Variants in KCNJ14 observed in about 807,000 individuals in gnomAD.
KCNJ14 encodes the protein ATP-sensitive inward rectifier potassium channel 14.
Under a neutral mutation model 24.5 loss-of-function variants are expected in KCNJ14, and 18 were observed. That is an observed-to-expected ratio of 0.74 (90% CI 0.51 to 1.09). The LOEUF is 1.09. Ranked by LOEUF, KCNJ14 falls within the 50% of genes least tolerant of loss-of-function variation. The pLI, the probability that KCNJ14 is intolerant of heterozygous loss-of-function variation, is 0.00. For synonymous variants in KCNJ14, 288 were observed against 270.8 expected (o/e 1.06, Z -0.63); for missense variants, 633 against 623.0 (o/e 1.02, Z -0.17).
Position 48,462,638 on chromosome 19 carries a change from CTG to C in KCNJ14, c.714+201_714+202del, listed in dbSNP as rs1437844017. The stretch of plus-strand genomic sequence containing the variant: ...CAGAAAGGTATGTGACCAGCTCTTC[CTG>C]GAGGCCTGGATTTGGGGCATACAGA... On this transcript the variant is annotated intron_variant, in intron 2 of 2. Coordinates refer to ENST00000342291, the MANE Select transcript of KCNJ14 (RefSeq NM_013348.4). The surrounding 1 kb of genome is among the most constrained non-coding windows in gnomAD (Gnocchi z 4.9). Among the ~76,000 whole-genome samples the C allele has an allele frequency of 1.3e-5, 2 of 152,200 alleles. No individual in the cohort carries two copies. Among genetic ancestry groups the C allele is most frequent in the African/African-American group, 4.8e-5 (2 of 41,450 alleles).
In KCNJ14 at chr19:48,464,797, C is replaced by T. The variant is rs1308818150; in HGVS notation, c.*20C>T. The T allele has an allele frequency of 6.5e-7, 1 of 1,542,602 alleles. No homozygotes were observed. The highest frequency in any genetic ancestry group is 1.4e-5 in the African/African-American group (1 of 73,788). ...CCATGATGCAAACTGATGTCCCCTT[C>T]CCCGTGTATGCCCCCTTCCCCAAGG... On this transcript the variant is annotated 3_prime_UTR_variant, in exon 3 of 3. Coordinates refer to ENST00000342291, the MANE Select transcript of KCNJ14 (RefSeq NM_013348.4).
At position 48,461,806 on chromosome 19, in the gene KCNJ14, G is replaced by A. The variant is rs372167924; in HGVS notation, c.82G>A (p.Gly28Arg). 2 of 1,480,802 alleles carry A rather than the reference G, an allele frequency of 1.4e-6. No individual in the cohort carries two copies. The highest frequency in any genetic ancestry group is 1.4e-5 in the African/African-American group (1 of 70,296). 91.7% of individuals were successfully genotyped at this position (1,480,802 alleles called of 1,614,324 possible). Residue 28 changes from glycine to arginine, a missense_variant, in exon 2 of 3, where the codon GGG becomes AGG. Gly to Arg is a moderately radical substitution (Grantham distance 125). Coordinates refer to ENST00000342291, the MANE Select transcript of KCNJ14 (RefSeq NM_013348.4). Reference sequence around the variant, plus strand: ...CCGGGCGGGCGATGAAGAGGAGGCCGGGCCCGGGTTGTGCCGCAACGGGTG... The same window carrying A: ...CCGGGCGGGCGATGAAGAGGAGGCCAGGCCCGGGTTGTGCCGCAACGGGTG... The part of the protein sequence containing the change: ...DSRAGDEEEA[G>R]PGLCRNGWAP...
Position 48,464,634 on chromosome 19 carries a change from T to G in KCNJ14, c.1168T>G (p.Tyr390Asp), listed in dbSNP as rs562301083. Residue 390 changes from tyrosine (Y) to aspartate (D), a missense_variant, in exon 3 of 3, where the codon TAT becomes GAT. Transcript: ENST00000342291. The stretch of plus-strand genomic sequence containing the variant: ...CCCCGGCTCTCTGACTGCATTTTGT[T>G]ATGAGAATGAACTTGCTCTGAGCTG... ...SFPGSLTAFCYENELALSCCQ... is the reference protein window; with the variant it reads ...SFPGSLTAFCDENELALSCCQ... 5.0e-6 allele frequency: 8 copies of G among 1,614,042 alleles called. No homozygotes were observed. In the South Asian group the frequency reaches 8.8e-5, roughly 18 times the overall value.
rs1325073568 is a variant in KCNJ14, at chr19:48,462,053, T to A, written c.329T>A (p.Leu110His). The A allele has an allele frequency of 6.2e-7, 1 of 1,610,544 alleles. No homozygotes were observed. ...SWLLFGLAFW[L>H]IASLHGDLAA... ...CTGCTCTTCGGCCTGGCCTTCTGGC[T>A]CATTGCCTCGCTGCACGGCGACCTG... Residue 110 changes from leucine to histidine, a missense_variant, in exon 2 of 3, where the codon CTC becomes CAC. By Grantham distance (99) the Leu-to-His change is moderately conservative (BLOSUM62 -3). Transcript: ENST00000342291. This position sits in a 1 kb window ranked among gnomAD's most constrained non-coding sequence, Gnocchi z 4.9.
intron 1 of KCNJ14, chr19:48,456,810 T>G (rs1971543885): frequency 6.6e-6 from 1 of 152,084 alleles, no homozygotes; most frequent in South Asian, 2.1e-4. Context: ...GACAGGCTGC[T>G]GCGATTCCCT....
intron 1 of KCNJ14, among the ~76,000 whole-genome samples, chr19:48,458,301 C>T (rs1032595337): frequency 2.0e-5 from 3 of 152,176 alleles, no homozygotes; most frequent in Admixed American, 6.5e-5. Flanking sequence ...TTTCATTCCC[C>T]ACAGCAGTGT....
Position 48,461,937 on chromosome 19 carries a change from G to A in KCNJ14, c.213G>A (p.Ala71=). 6.2e-7 allele frequency: 1 copy of A among 1,612,142 alleles called. No individual in the cohort carries two copies. The highest frequency in any genetic ancestry group is 8.5e-7 in the Non-Finnish European group (1 of 1,179,240). The part of the protein sequence containing the change: ...VRFVNLGGQG[A]RYLSDLFTTC... ...TCGTAAACCTGGGTGGCCAGGGCGC[G>A]CGCTACCTGAGCGACCTGTTCACCA... Residue 71 remains alanine, a synonymous_variant, in exon 2 of 3, where the codon GCG becomes GCA. Transcript: ENST00000342291.
Position 48,464,749 on chromosome 19 carries a change from C to A in KCNJ14, c.1283C>A (p.Pro428Gln). The A allele has an allele frequency of 6.2e-7, 1 of 1,606,752 alleles. No individual in the cohort carries two copies. Among genetic ancestry groups the A allele is most frequent in the Non-Finnish European group, 8.5e-7 (1 of 1,179,778 alleles). ...GCTGCTAGCCCCCGAGTTCTCACAC[C>A]AACCCTGGCGCTGACCCTGCCTCCA... ...DGAASPRVLT[P>Q]TLALTLPP The change falls in exon 3 of 3, where the codon CCA becomes CAA. Residue 428 changes from proline to glutamine, a missense_variant. Physicochemically the swap from Pro to Gln is moderately conservative, Grantham distance 76 (BLOSUM62 -1). Coordinates refer to ENST00000342291, the MANE Select transcript of KCNJ14 (RefSeq NM_013348.4).
chr19:48,460,164 C>A (rs372136470), intron 1 of KCNJ14, among the ~76,000 whole-genome samples: 1 of 152,156 alleles, frequency 6.6e-6, no homozygotes, highest in Non-Finnish European at 1.5e-5. Context: ...TTACACCTTA[C>A]GATTATGAGC....
At position 48,461,486 on chromosome 19, in the gene KCNJ14, C is replaced by CCA. The variant is rs1480351237; in HGVS notation, c.-55-182_-55-181dup. 1.4e-5 allele frequency: 5 copies of CCA among 364,912 alleles called. No individual in the cohort carries two copies. In the Admixed American group the frequency reaches 1.4e-4, roughly 10 times the overall value. 22.6% of individuals were successfully genotyped at this position (364,912 alleles called of 1,614,324 possible). On this transcript the variant is annotated intron_variant, in intron 1 of 2. Coordinates refer to ENST00000342291, the MANE Select transcript of KCNJ14 (RefSeq NM_013348.4). ...GAGATTGCAGTAAGCCAGGATCATG[C>CCA]CACTGCACTCCAGCTTGGGCGACAG...
Position 48,459,771 on chromosome 19 carries a change from G to C in KCNJ14, c.-55-1899G>C, listed in dbSNP as rs566256223. Among the ~76,000 whole-genome samples the C allele has an allele frequency of 3.4e-4, 51 of 152,086 alleles. No homozygotes were observed. The South Asian group carries it at 8.3e-3, about 25-fold the overall frequency. Reference sequence around the variant, plus strand: ...TGGCCGGGTGCAGTGGCTCACGCCTGTAATCCCAGTACTTTAGGAGGCCAA... The same window carrying C: ...TGGCCGGGTGCAGTGGCTCACGCCTCTAATCCCAGTACTTTAGGAGGCCAA... On this transcript the variant is annotated intron_variant, in intron 1 of 2. Transcript: ENST00000342291.
In KCNJ14 at chr19:48,465,207, A is replaced by C. The variant is rs1450364606; in HGVS notation, c.*430A>C. The C allele has an allele frequency of 5.8e-6, 1 of 170,968 alleles. No homozygotes were observed. 10.6% of individuals were successfully genotyped at this position (170,968 alleles called of 1,614,324 possible). A position where few individuals can be genotyped will look rare whatever the true frequency, so the allele number is the denominator to read the frequency against. ...TCTGGATTCACCTAAGATTCAAGGG[A>C]GTGTTGCTTCTCAACTCAGCCAACT... On this transcript the variant is annotated 3_prime_UTR_variant, in exon 3 of 3. Transcript: ENST00000342291.
At chr19:48,458,457 T>C (rs541212374) in intron 1 of KCNJ14, among the ~76,000 whole-genome samples, 2 of 152,380 alleles carry the variant, frequency 1.3e-5, no homozygotes, top group Admixed American at 1.3e-4. Context: ...TTCATATGTT[T>C]ATGAGCCATT....
chr19:48,462,134 C>T lies in KCNJ14; in HGVS notation c.410C>T (p.Ala137Val), dbSNP rs750219177. Residue 137 changes from alanine to valine, a missense_variant, in exon 2 of 3, where the codon GCC becomes GTC. By Grantham distance (64) the Ala-to-Val change is moderately conservative. Transcript: ENST00000342291. This position sits in a 1 kb window ranked among gnomAD's most constrained non-coding sequence, Gnocchi z 4.9. Reference sequence around the variant, plus strand: ...TCACACGTGGCCAGCTTCCTGGCCGCCTTCCTCTTCGCGCTGGAGACGCAG... The same window carrying T: ...TCACACGTGGCCAGCTTCCTGGCCGTCTTCCTCTTCGCGCTGGAGACGCAG... Reference protein sequence around the residue: ...CFSHVASFLAAFLFALETQTS... With the variant: ...CFSHVASFLAVFLFALETQTS... The T allele has an allele frequency of 1.3e-6, 2 of 1,594,830 alleles. No individual in the cohort carries two copies. The highest frequency in any genetic ancestry group is 1.7e-6 in the Non-Finnish European group (2 of 1,171,902).
Position 48,462,357 on chromosome 19 carries a change from C to T in KCNJ14, c.633C>T (p.His211=). 4 of 1,543,176 alleles carry T rather than the reference C, an allele frequency of 2.6e-6. 1 individual carries two copies. The South Asian group carries it at 4.8e-5, about 18-fold the overall frequency. The change falls in exon 2 of 3, where the codon CAC becomes CAT. Residue 211 remains histidine (H), a synonymous_variant. Transcript: ENST00000342291. The surrounding 1 kb of genome is among the most constrained non-coding windows in gnomAD (Gnocchi z 4.9). The stretch of plus-strand genomic sequence containing the variant: ...ACGCCGTCGTGGCGCTGCGCGACCA[C>T]CGCCTCTGCCTCATGTGGCGCGTCG... ...SENAVVALRD[H]RLCLMWRVGN...
In KCNJ14 at chr19:48,462,534, C is replaced by T. The variant is rs1019876043; in HGVS notation, c.714+96C>T. 5.4e-6 allele frequency: 5 copies of T among 930,602 alleles called. No individual in the cohort carries two copies. Among genetic ancestry groups the T allele is most frequent in the African/African-American group, 3.4e-5 (2 of 58,624 alleles). 57.6% of individuals were successfully genotyped at this position (930,602 alleles called of 1,614,324 possible). ...GAGGGGCGTGCGGTCCTGGAGGGGG[C>T]GTGGACTACAACTCCCAGCAGCCTC... On this transcript the variant is annotated intron_variant, in intron 2 of 2. Transcript: ENST00000342291. The surrounding 1 kb of genome is among the most constrained non-coding windows in gnomAD (Gnocchi z 4.9).
Position 48,466,694 on chromosome 19 carries a change from A to G in KCNJ14, c.*1917A>G, listed in dbSNP as rs535112531. ...TCACTACACCAAGGGTGGGATGGGCATTCGAGTCCTGGGGATTTCCCTCCT... is the reference window on the plus strand; with the variant it reads ...TCACTACACCAAGGGTGGGATGGGCGTTCGAGTCCTGGGGATTTCCCTCCT... On this transcript the variant is annotated 3_prime_UTR_variant, in exon 3 of 3. Transcript: ENST00000342291. The G allele has an allele frequency of 6.6e-6, 1 of 152,302 alleles. No individual in the cohort carries two copies. Among genetic ancestry groups the G allele is most frequent in the African/African-American group, 2.4e-5 (1 of 41,566 alleles). 9.4% of individuals were successfully genotyped at this position (152,302 alleles called of 1,614,324 possible).
intron 2 of KCNJ14, 66 bp from the exon 3 acceptor site, chr19:48,464,115 C>G (rs1425929450): frequency 1.3e-5 from 14 of 1,089,466 alleles, no homozygotes; most frequent in Non-Finnish European, 2.0e-5. Context: ...CTCTTCCTCT[C>G]TCTCACTTCG....
chr19:48,460,248 A>T (rs12461952), intron 1 of KCNJ14, among the ~76,000 whole-genome samples: 16,525 of 138,482 alleles, frequency 0.12, 1,710 homozygotes, highest in African/African-American at 0.32. Context: ...AGTTTTATTT[A>T]TTTATTTTTT....
Sources: allele counts gnomAD v4.1 joint callset (sites outside exome capture counted in the v4.1 genomes callset), GRCh38; gene constraint gnomAD v4.1.1; non-coding constraint Gnocchi (gnomAD v3.1); transcripts MANE v1.5; gene names NCBI Gene and HGNC (gene_info 2026-07-23, HGNC 2026-07-21).